Variants in PLD1 observed in about 807,000 individuals in gnomAD.
PLD1 encodes phospholipase D1, also known as choline phosphatase 1.
A neutral mutation model predicts 137.1 loss-of-function variants in PLD1; 112 were observed. The observed-to-expected ratio is 0.82, with a 90% CI of 0.70 to 0.96. The LOEUF is 0.96. PLD1 is among the 40% of genes least tolerant of loss of function. The pLI, the probability that PLD1 is intolerant of heterozygous loss-of-function variation, is 0.00. For synonymous variants in PLD1, 431 were observed against 454.7 expected (o/e 0.95, Z 0.66); for missense variants, 1,321 against 1,342.0 (o/e 0.98, Z 0.24).
chr3:171,778,232 C>A (rs1454559007), intron 1 of PLD1, among the ~76,000 whole-genome samples: 1 of 152,064 alleles, frequency 6.6e-6, no homozygotes. Context: ...GAAAATGGGG[C>A]CAGAAAGCTT....
At chr3:171,626,269 G>C (rs1466336807) in intron 23 of PLD1, among the ~76,000 whole-genome samples, 1 of 152,254 alleles carries the variant, frequency 6.6e-6, no homozygotes, top group African/African-American at 2.4e-5. Context: ...AAGACAAAAT[G>C]AATGAAATGA....
rs1354693615 is a variant in PLD1, at chr3:171,642,906, G to A, written c.2544-17C>T. ...CACATGGTTCTGAAAATATGTAAAG[G>A]AGAAAATAATTACAGAGGTTTCAAA... On this transcript the variant is annotated splice_polypyrimidine_tract_variant and intron_variant, in intron 22 of 26. Transcript: ENST00000351298. 2.0e-6 allele frequency: 3 copies of A among 1,497,074 alleles called. No homozygotes were observed. Among genetic ancestry groups the A allele is most frequent in the Non-Finnish European group, 2.8e-6 (3 of 1,081,500 alleles). 92.7% of individuals were successfully genotyped at this position (1,497,074 alleles called of 1,614,324 possible).
In PLD1 at chr3:171,676,986, G is replaced by A. The variant is rs540270867; in HGVS notation, c.1997-153C>T. On this transcript the variant is annotated intron_variant, in intron 17 of 26. Transcript: ENST00000351298. Reference sequence around the variant, plus strand: ...CATAGAACAACATTTTTATAATCAAGGGAAACAGATTTCACATTCAGGGAC... The same window carrying A: ...CATAGAACAACATTTTTATAATCAAAGGAAACAGATTTCACATTCAGGGAC... Among the ~76,000 whole-genome samples the A allele has an allele frequency of 7.2e-5, 11 of 152,274 alleles. No homozygotes were observed. The South Asian group carries it at 8.3e-4, about 11-fold the overall frequency.
In PLD1 at chr3:171,603,251, C is replaced by A; in HGVS notation, c.3052G>T (p.Asp1018Tyr). 1.2e-6 allele frequency: 2 copies of A among 1,614,030 alleles called. 1 individual carries two copies. Among genetic ancestry groups the A allele is most frequent in the Middle Eastern group, 3.3e-4 (2 of 6,060 alleles). ...GCTAATACGGGCTTGTTTATAAAGT[C>A]TCTCAGCTGAATTAAATTGTGTACT... ...DEVHNLIQLR[D>Y]FINKPVLAKE... is the part of the protein sequence containing the mutation. The change falls in exon 27 of 27, where the codon GAC becomes TAC. Residue 1018 changes from aspartate (D) to tyrosine (Y), a missense_variant. Physicochemically the swap from Asp to Tyr is radical, Grantham distance 160. Transcript: ENST00000351298.
At chr3:171,681,531 C>T (rs9290426) in intron 16 of PLD1, among the ~76,000 whole-genome samples, 71,491 of 151,946 alleles carry the variant, frequency 0.47, 17,284 homozygotes, top group African/African-American at 0.57. Context: ...CTCTACCTAC[C>T]GAATTTCTAC....
intron 24 of PLD1, among the ~76,000 whole-genome samples, chr3:171,617,808 A>C (rs1259922392): frequency 6.6e-6 from 1 of 152,168 alleles, no homozygotes; most frequent in Admixed American, 6.5e-5. Flanking sequence ...CATTTTTCTT[A>C]TGTCAGCTAT....
intron 11 of PLD1, among the ~76,000 whole-genome samples, chr3:171,700,241 C>T (rs4894496): frequency 0.23 from 34,663 of 151,686 alleles, 4,240 homozygotes; most frequent in Admixed American, 0.3. Flanking sequence ...TGACACAATC[C>T]TGAACAATGA....
At chr3:171,605,516 A>G in intron 25 of PLD1, 100 bp from the exon 26 acceptor site, 1 of 718,630 alleles carries the variant, frequency 1.4e-6, no homozygotes. Flanking sequence ...AAATATATAT[A>G]TGCAAATTAT....
chr3:171,678,693 C>T (rs147066993), intron 16 of PLD1, among the ~76,000 whole-genome samples: 2 of 152,310 alleles, frequency 1.3e-5, no homozygotes, highest in Non-Finnish European at 2.9e-5. Flanking sequence ...AAAATGCACT[C>T]TTTGCTTAAA....
At chr3:171,740,503 A>T (rs1300564045) in intron 1 of PLD1, among the ~76,000 whole-genome samples, 1 of 152,214 alleles carries the variant, frequency 6.6e-6, no homozygotes, top group Non-Finnish European at 1.5e-5. Flanking sequence ...GATTAAACAG[A>T]CTTATTAACT....
intron 1 of PLD1, among the ~76,000 whole-genome samples, chr3:171,791,390 G>A (rs1314182942): frequency 6.6e-6 from 1 of 152,160 alleles, no homozygotes; most frequent in African/African-American, 2.4e-5. Flanking sequence ...ATTCAGTTCA[G>A]GAGCACTGGG....
In PLD1 at chr3:171,692,417, A is replaced by G. The variant is rs758580896; in HGVS notation, c.1253T>C (p.Met418Thr). The change falls in exon 13 of 27, where the codon ATG becomes ACG. Residue 418 changes from methionine to threonine, a missense_variant. Transcript: ENST00000351298. ...AGCGAGTTCCACCTCTTTGTAGAGCATTATGAAGATCCTCACTCCTTGTTG... is the reference window on the plus strand; with the variant it reads ...AGCGAGTTCCACCTCTTTGTAGAGCGTTATGAAGATCCTCACTCCTTGTTG... ...KAQQGVRIFI[M>T]LYKEVELALG... The G allele has an allele frequency of 3.8e-6, 6 of 1,593,744 alleles. No homozygotes were observed. The highest frequency in any genetic ancestry group is 2.2e-5 in the South Asian group (2 of 90,634).
At chr3:171,712,127 C>A (rs993533154) in intron 9 of PLD1, among the ~76,000 whole-genome samples, 1 of 152,162 alleles carries the variant, frequency 6.6e-6, no homozygotes, top group African/African-American at 2.4e-5. Flanking sequence ...TAAAGATTAG[C>A]CATGTCCAAC....
At chr3:171,648,665 C>T (rs1374605866) in intron 21 of PLD1, among the ~76,000 whole-genome samples, 1 of 152,086 alleles carries the variant, frequency 6.6e-6, no homozygotes, top group African/African-American at 2.4e-5. Flanking sequence ...TGCCATTCTC[C>T]TGCCTCAGCT....
intron 1 of PLD1, among the ~76,000 whole-genome samples, chr3:171,802,364 C>A (rs1465816434): frequency 6.6e-6 from 1 of 152,122 alleles, no homozygotes; most frequent in African/African-American, 2.4e-5. Flanking sequence ...GCAAGCAATG[C>A]AATGTGGACT....
chr3:171,617,370 C>T (rs886362106), intron 24 of PLD1, among the ~76,000 whole-genome samples: 1 of 152,160 alleles, frequency 6.6e-6, no homozygotes, highest in East Asian at 1.9e-4. Flanking sequence ...GTTGATTGCC[C>T]CTGAACCTTC....
intron 19 of PLD1, among the ~76,000 whole-genome samples, chr3:171,666,881 G>A (rs73040117): frequency 0.029 from 4,364 of 152,186 alleles, 154 homozygotes; most frequent in African/African-American, 0.084. Flanking sequence ...CATTTTCTTC[G>A]TGCTACGTCT....
At chr3:171,663,238 C>T (rs1012371269) in intron 19 of PLD1, among the ~76,000 whole-genome samples, 4 of 152,184 alleles carry the variant, frequency 2.6e-5, no homozygotes, top group Non-Finnish European at 4.4e-5. Flanking sequence ...CACATTGCCT[C>T]GCTCTACGCA....
In PLD1 at chr3:171,674,501, T is replaced by C. The variant is rs756515838; in HGVS notation, c.2228A>G (p.Gln743Arg). The stretch of plus-strand genomic sequence containing the variant: ...AAAGAAAAGCCAGAACTTACTTACC[T>C]GTACGTTAGCATGGACAGACCCAGG... The part of the protein sequence containing the change: ...QVPGSVHANV[Q>R]LLRSAADWSA... The change falls in exon 19 of 27, where the codon CAG becomes CGG. Residue 743 changes from glutamine (Q) to arginine (R), a missense_variant and splice_region_variant. Coordinates refer to ENST00000351298, the MANE Select transcript of PLD1 (RefSeq NM_002662.5). 6.6e-7 allele frequency: 1 copy of C among 1,520,322 alleles called. No individual in the cohort carries two copies. The highest frequency in any genetic ancestry group is 9.1e-7 in the Non-Finnish European group (1 of 1,103,982). The allele number at this position is 1,520,322 out of a possible 1,614,324, so 94.2% of individuals were successfully genotyped here.
Sources: gnomAD v4.1 joint callset for allele counts (sites outside exome capture counted in the v4.1 genomes callset) on GRCh38, gnomAD v4.1.1 for gene constraint, MANE v1.5 for transcripts, NCBI Gene and HGNC (gene_info 2026-07-23, HGNC 2026-07-21) for gene names.